Variants in PTPRD observed in about 807,000 individuals in gnomAD.
The protein encoded by PTPRD is receptor-type tyrosine-protein phosphatase delta.
Under a neutral mutation model 214.5 loss-of-function variants are expected in PTPRD, and 34 were observed. The observed-to-expected ratio is 0.16, with a 90% CI of 0.12 to 0.21. The LOEUF is 0.21. Among genes scored for constraint, PTPRD ranks in the 10% least tolerant of loss-of-function variants. PTPRD has a pLI of 1.00. For synonymous variants in PTPRD, 1,128 were observed against 845.7 expected, an observed-to-expected ratio of 1.33 and a Z score of -5.79; for missense variants, 2,545 against 2,398.7, an observed-to-expected ratio of 1.06 and a Z score of -1.27.
chr9:10,397,053 T>G (rs2098184569), intron 2 of PTPRD, among the ~76,000 whole-genome samples: 1 of 152,050 alleles, frequency 6.6e-6, no homozygotes, highest in South Asian at 2.1e-4. Flanking sequence ...ATATACCACT[T>G]GCTCCCAACA....
intron 2 of PTPRD, among the ~76,000 whole-genome samples, chr9:10,428,983 G>C (rs565341483): frequency 6.6e-6 from 1 of 151,982 alleles, no homozygotes; most frequent in Non-Finnish European, 1.5e-5. Flanking sequence ...CATAGGGTTG[G>C]TTGTGGCAAT....
chr9:8,336,781 A>C (rs2132050023), intron 43 of PTPRD, among the ~76,000 whole-genome samples: 2 of 152,354 alleles, frequency 1.3e-5, no homozygotes, highest in South Asian at 4.2e-4. Context: ...CTCATCAAAA[A>C]GTGGGCAAAG....
At chr9:10,236,759 C>A (rs2154359951) in intron 3 of PTPRD, among the ~76,000 whole-genome samples, 1 of 151,906 alleles carries the variant, frequency 6.6e-6, no homozygotes, top group East Asian at 1.9e-4. Context: ...AATAAGCCTT[C>A]ATGTTTTAGT....
At chr9:9,197,849 C>T (rs901906593) in intron 9 of PTPRD, among the ~76,000 whole-genome samples, 9 of 152,064 alleles carry the variant, frequency 5.9e-5, no homozygotes, top group Non-Finnish European at 1.2e-4. Flanking sequence ...TACTTTTTAT[C>T]TTTTTCTTTA....
intron 4 of PTPRD, among the ~76,000 whole-genome samples, chr9:9,975,954 A>T (rs564134638): frequency 6.6e-6 from 1 of 152,298 alleles, no homozygotes; most frequent in South Asian, 2.1e-4. Flanking sequence ...AGTGAACTAG[A>T]CCTGAAAAGC....
intron 2 of PTPRD, among the ~76,000 whole-genome samples, chr9:10,411,913 G>T (rs951241228): frequency 3.3e-5 from 5 of 151,600 alleles, no homozygotes; most frequent in Non-Finnish European, 5.9e-5. Context: ...TATTTATGAT[G>T]GCAATTAAGA....
chr9:9,023,656 C>A (rs987318287), intron 10 of PTPRD, among the ~76,000 whole-genome samples: 1 of 151,898 alleles, frequency 6.6e-6, no homozygotes, highest in Non-Finnish European at 1.5e-5. Flanking sequence ...TCACATCCCC[C>A]GCTCTCCCTC....
At chr9:8,419,118 G>A (rs1034295562) in intron 35 of PTPRD, among the ~76,000 whole-genome samples, 11 of 151,784 alleles carry the variant, frequency 7.2e-5, no homozygotes, top group African/African-American at 2.4e-4. Context: ...CTACTTGGGA[G>A]CCTGAGGCAG....
chr9:9,240,365 G>A (rs933249978), intron 9 of PTPRD, among the ~76,000 whole-genome samples: 6 of 152,092 alleles, frequency 3.9e-5, no homozygotes, highest in Non-Finnish European at 7.4e-5. Flanking sequence ...ATTTAAGTCT[G>A]TAAACAAACA....
chr9:10,328,904 T>A (rs908875371), intron 3 of PTPRD, among the ~76,000 whole-genome samples: 1 of 151,746 alleles, frequency 6.6e-6, no homozygotes. Context: ...TTTCGCACCT[T>A]TGTTAACATG....
intron 12 of PTPRD, among the ~76,000 whole-genome samples, chr9:8,644,789 C>T (rs2096651982): frequency 6.6e-6 from 1 of 152,196 alleles, no homozygotes; most frequent in Admixed American, 6.5e-5. Flanking sequence ...TGACCAAACC[C>T]CACGTTCACT....
rs556096170 is a variant in PTPRD, at chr9:10,505,550, G to C, written c.-600+106848C>G. Among the ~76,000 whole-genome samples the C allele has an allele frequency of 6.6e-5, 10 of 152,196 alleles. No individual in the cohort carries two copies. In the South Asian group the frequency reaches 2.1e-3, roughly 32 times the overall value. ...TGAAAGATATACCTTCAGAATGCCA[G>C]AATAAAGTGTTAGGAAACATCGGAT... is the stretch of plus-strand genomic sequence containing the variant. On this transcript the variant is annotated intron_variant, in intron 2 of 45. Transcript: ENST00000381196.
intron 38 of PTPRD, 138 bp from the exon 39 acceptor site, chr9:8,376,228 CT>C (rs768574569): frequency 7.8e-6 from 8 of 1,030,010 alleles, no homozygotes; most frequent in Non-Finnish European, 1.1e-5. Context: ...AAGACACACT[CT>C]TTGGAAATAG....
intron 11 of PTPRD, among the ~76,000 whole-genome samples, chr9:8,893,812 T>C (rs2098568158): frequency 6.6e-6 from 1 of 152,090 alleles, no homozygotes; most frequent in South Asian, 2.1e-4. Context: ...GGAAACACAT[T>C]TATGACACAA....
intron 11 of PTPRD, among the ~76,000 whole-genome samples, chr9:8,789,969 A>G (rs2096156460): frequency 6.6e-6 from 1 of 152,168 alleles, no homozygotes; most frequent in African/African-American, 2.4e-5. Context: ...CTAATACACT[A>G]TACAATACTA....
chr9:10,388,621 C>A (rs553211889), intron 2 of PTPRD, among the ~76,000 whole-genome samples: 1 of 151,638 alleles, frequency 6.6e-6, no homozygotes. Flanking sequence ...AAATAACATA[C>A]TATAATGACA....
intron 6 of PTPRD, among the ~76,000 whole-genome samples, chr9:9,760,653 CATATAT>C (rs142175928): frequency 4.9e-5 from 3 of 61,330 alleles, no homozygotes; most frequent in African/African-American, 1.8e-4. Context: ...CACACACACA[CATATAT>C]ATATATATTC....
intron 2 of PTPRD, among the ~76,000 whole-genome samples, chr9:10,388,032 G>A: frequency 6.6e-6 from 1 of 151,404 alleles, no homozygotes; most frequent in Middle Eastern, 3.4e-3. Flanking sequence ...GAACTTCACT[G>A]ATTCATTCCT....
intron 3 of PTPRD, among the ~76,000 whole-genome samples, chr9:10,132,219 G>A (rs1044927591): frequency 1.2e-4 from 18 of 152,058 alleles, no homozygotes; most frequent in African/African-American, 4.1e-4. Flanking sequence ...AAAATGATGT[G>A]AGACTTTCCA....
Sources: allele counts gnomAD v4.1 joint callset (sites outside exome capture counted in the v4.1 genomes callset), GRCh38; gene constraint gnomAD v4.1.1; transcripts MANE v1.5; gene names NCBI Gene and HGNC (gene_info 2026-07-23, HGNC 2026-07-21).